THAP9: variants seen among roughly 807,000 people sequenced by gnomAD.
THAP9 encodes DNA transposase THAP9.
Under a neutral mutation model 35.7 loss-of-function variants are expected in THAP9, and 20 were observed. The observed-to-expected ratio is 0.56, with a 90% CI of 0.39 to 0.81. THAP9 has a LOEUF of 0.81. THAP9 is among the 40% of genes least tolerant of loss of function. THAP9 has a pLI of 0.00. For missense variants in THAP9, 870 were observed against 1,047.4 expected (o/e 0.83, Z 2.34); for synonymous variants, 335 against 373.7 (o/e 0.90, Z 1.19).
At chr4:82,902,573 C>T (rs1017520726) in intron 1 of THAP9, among the ~76,000 whole-genome samples, 1 of 152,136 alleles carries the variant, frequency 6.6e-6, no homozygotes, top group Admixed American at 6.5e-5. Flanking sequence ...GTTGTTGGAC[C>T]AGCCAACTTT....
At position 82,917,303 on chromosome 4, in the gene THAP9, T is replaced by C; in HGVS notation, c.1091T>C (p.Ile364Thr). 6.2e-7 allele frequency: 1 copy of C among 1,614,048 alleles called. No individual in the cohort carries two copies. The highest frequency in any genetic ancestry group is 8.5e-7 in the Non-Finnish European group (1 of 1,179,940). ...LRLTIGKLSD[I>T]GITVLAVTSD... is the part of the protein sequence containing the mutation. ...CTGACTATTGGTAAACTGAGTGACA[T>C]AGGAATCACAGTTCTGGCTGTTACA... Residue 364 changes from isoleucine to threonine, a missense_variant, in exon 5 of 5, where the codon ATA becomes ACA. Ile to Thr is a moderately conservative substitution (Grantham distance 89). This residue lies in a region of THAP9 where 440 missense variants were observed against 501.2 expected (regional missense o/e 0.88). Transcript: ENST00000302236.
intron 4 of THAP9, among the ~76,000 whole-genome samples, chr4:82,911,691 C>T (rs1720872930): frequency 6.6e-6 from 1 of 152,200 alleles, no homozygotes; most frequent in African/African-American, 2.4e-5. Flanking sequence ...GCTAGAACTA[C>T]AGACATGCAC....
At chr4:82,901,099 C>G (rs1280678196) in intron 1 of THAP9, 13 of 703,870 alleles carry the variant, frequency 1.8e-5, no homozygotes, top group Non-Finnish European at 3.3e-5. Flanking sequence ...ATAGCCGGTT[C>G]TCGCACCGCC....
In THAP9 at chr4:82,918,582, A is replaced by G. The variant is rs768857811; in HGVS notation, c.2370A>G (p.Leu790=). ...ATTCAAGAATGGCAATTTTTGAACT[A>G]GTTTCTAAACAAAGGGAATTGTATC... ...RTHSRMAIFE[L]VSKQRELYLQ... is the part of the protein sequence containing the mutation. The change falls in exon 5 of 5, where the codon CTA becomes CTG. Residue 790 remains leucine (L), a synonymous_variant. Coordinates refer to ENST00000302236, the MANE Select transcript of THAP9 (RefSeq NM_024672.6). 8.1e-6 allele frequency: 13 copies of G among 1,614,052 alleles called. No individual in the cohort carries two copies. The highest frequency in any genetic ancestry group is 1.1e-5 in the Non-Finnish European group (13 of 1,179,940).
intron 4 of THAP9, among the ~76,000 whole-genome samples, chr4:82,915,151 T>C (rs978520542): frequency 6.6e-6 from 1 of 152,226 alleles, no homozygotes; most frequent in Admixed American, 6.5e-5. Context: ...CCTATTTTAA[T>C]ATACAAACAA....
At chr4:82,903,994 C>T (rs1448217238) in intron 1 of THAP9, among the ~76,000 whole-genome samples, 1 of 151,700 alleles carries the variant, frequency 6.6e-6, no homozygotes, top group African/African-American at 2.4e-5. Flanking sequence ...GTTCTTTTTC[C>T]ATTCCTTAGC....
At chr4:82,904,953 TCAA>T in intron 2 of THAP9, 22 bp downstream of exon 2, 1 of 1,604,384 alleles carries the variant, frequency 6.2e-7, no homozygotes, top group East Asian at 2.2e-5. Flanking sequence ...TAGGTGTAAG[TCAA>T]CAAAATGAAA....
intron 4 of THAP9, among the ~76,000 whole-genome samples, chr4:82,912,709 G>A (rs1170800454): frequency 6.6e-6 from 1 of 152,100 alleles, no homozygotes; most frequent in Non-Finnish European, 1.5e-5. Context: ...GTTTACCTTG[G>A]CATGTTATTC....
At chr4:82,900,980 G>T in intron 1 of THAP9, 98 bp downstream of exon 1, 1 of 1,415,380 alleles carries the variant, frequency 7.1e-7, no homozygotes, top group Non-Finnish European at 9.8e-7. Context: ...TGTGGGTCGC[G>T]CCGCGTGTGT....
At chr4:82,913,846 C>A (rs1390631107) in intron 4 of THAP9, among the ~76,000 whole-genome samples, 1 of 152,006 alleles carries the variant, frequency 6.6e-6, no homozygotes, top group Non-Finnish European at 1.5e-5. Flanking sequence ...AAGTGATTCT[C>A]CTGCCTCAGC....
At chr4:82,911,916 G>A (rs574721094) in intron 4 of THAP9, among the ~76,000 whole-genome samples, 84 of 152,198 alleles carry the variant, frequency 5.5e-4, no homozygotes, top group Non-Finnish European at 1.0e-3. Context: ...GAAACAATTA[G>A]ATGGTTAACA....
At chr4:82,908,180 C>A (rs941425193) in intron 4 of THAP9, among the ~76,000 whole-genome samples, 8 of 152,180 alleles carry the variant, frequency 5.3e-5, no homozygotes, top group African/African-American at 1.9e-4. Context: ...CCAATTATCA[C>A]AACAGCAATA....
At position 82,906,534 on chromosome 4, in the gene THAP9, A is replaced by G. The variant is rs146195871; in HGVS notation, c.487A>G (p.Lys163Glu). Residue 163 changes from lysine (K) to glutamate (E), a missense_variant, in exon 3 of 5, where the codon AAG (lysine) becomes GAG (glutamate). By Grantham distance (56) the Lys-to-Glu change is moderately conservative. This residue lies in a region of THAP9 where 440 missense variants were observed against 501.2 expected (regional missense o/e 0.88). Transcript: ENST00000302236. ...CTCCGTAAAGAACTACAGGATGATC[A>G]AGAAGAGAAAGGGTTTACGATTAAT... ...LISVKNYRMIKKRKGLRLIDA... is the reference protein window; with the variant it reads ...LISVKNYRMIEKRKGLRLIDA... The G allele has an allele frequency of 1.7e-5, 27 of 1,613,720 alleles. No homozygotes were observed. Among genetic ancestry groups the G allele is most frequent in the Non-Finnish European group, 2.2e-5 (26 of 1,179,798 alleles).
intron 4 of THAP9, chr4:82,910,786 T>C: frequency 2.2e-6 from 1 of 446,466 alleles, no homozygotes; most frequent in South Asian, 1.6e-5. Flanking sequence ...AGTAGTCCAC[T>C]ATGTCAAATG....
intron 4 of THAP9, among the ~76,000 whole-genome samples, chr4:82,916,463 C>T (rs1356656378): frequency 6.6e-6 from 1 of 152,170 alleles, no homozygotes; most frequent in Non-Finnish European, 1.5e-5. Flanking sequence ...ATCAGGAAAG[C>T]CAGGTTTCAC....
At chr4:82,901,047 G>A (rs1478054038) in intron 1 of THAP9, 165 bp downstream of exon 1, 1 of 823,382 alleles carries the variant, frequency 1.2e-6, no homozygotes, top group African/African-American at 1.7e-5. Flanking sequence ...GGCACTGTGA[G>A]AATTGAGATT....
chr4:82,901,074 A>G (rs1200755861), intron 1 of THAP9, 192 bp downstream of exon 1: 84 of 745,628 alleles, frequency 1.1e-4, no homozygotes, highest in Non-Finnish European at 9.9e-5. Flanking sequence ...CTTCCCGCCC[A>G]GTGTTTACCT....
chr4:82,917,955 T>C lies in THAP9; in HGVS notation c.1743T>C (p.Ala581=), dbSNP rs139432194. The C allele has an allele frequency of 3.1e-6, 5 of 1,614,034 alleles. No homozygotes were observed. The East Asian group carries it at 6.7e-5, about 22-fold the overall frequency. ...KLGFLGFLLN[A]ESLKWLYQNY... ...GATTCCTGGGATTTTTGCTCAATGC[T>C]GAGAGCTTAAAATGGCTCTACCAAA... The change falls in exon 5 of 5, where the codon GCT becomes GCC. Residue 581 remains alanine (A), a synonymous_variant. Coordinates refer to ENST00000302236, the MANE Select transcript of THAP9 (RefSeq NM_024672.6).
intron 4 of THAP9, among the ~76,000 whole-genome samples, chr4:82,909,584 T>G (rs951354983): frequency 2.6e-5 from 4 of 152,188 alleles, no homozygotes; most frequent in African/African-American, 9.7e-5. Flanking sequence ...CTGCATGATA[T>G]CAGGTAGTCC....
Sources: gnomAD v4.1 joint callset for allele counts (sites outside exome capture counted in the v4.1 genomes callset) on GRCh38, gnomAD v4.1.1 for gene constraint, gnomAD v4.1.1 regional missense constraint, MANE v1.5 for transcripts, NCBI Gene and HGNC (gene_info 2026-07-23, HGNC 2026-07-21) for gene names.